TCEAL4: variants seen among roughly 807,000 people sequenced by gnomAD.
The protein encoded by TCEAL4 is transcription elongation factor A like 4.
In TCEAL4, 1 loss-of-function variant was observed where a neutral mutation model predicts 1.3. That is an observed-to-expected ratio of 0.79 (90% CI 0.28 to 3.76). TCEAL4 has a LOEUF of 3.76. TCEAL4 is among the 30% of genes most tolerant of loss of function. The pLI is 0.18. For synonymous variants in TCEAL4, 54 were observed against 50.7 expected (o/e 1.06, Z -0.28); for missense variants, 129 against 154.7 (o/e 0.83, Z 0.88).
In TCEAL4 at chrX:103,586,434, A is replaced by G. The variant is rs182829772; in HGVS notation, c.-28+143A>G. The stretch of plus-strand genomic sequence containing the variant: ...TACCAGGCTGAACCAGTGCAGAGAA[A>G]GTGGCAGAGCCTGTCAGGCAATGGC... On this transcript the variant is annotated intron_variant, in intron 2 of 2. Transcript: ENST00000472484. 4.0e-5 allele frequency: 35 copies of G among 877,508 alleles called. No individual in the cohort carries two copies. The Admixed American group carries it at 9.2e-4, about 23-fold the overall frequency. The allele number at this position is 877,508 out of a possible 1,213,427, so 72.3% of individuals were successfully genotyped here. A position where few individuals can be genotyped will look rare whatever the true frequency, so the allele number is the denominator to read the frequency against.
intron 1 of TCEAL4, 124 bp downstream of exon 1, chrX:103,585,748 G>A: frequency 8.7e-7 from 1 of 1,153,389 alleles, no homozygotes; most frequent in Non-Finnish European, 1.2e-6. Flanking sequence ...CCCGAGTGTG[G>A]ACAGAGATGG....
At position 103,585,518 on chromosome X, in the gene TCEAL4, C is replaced by G; in HGVS notation, c.-207C>G. ...GGCTGCGGCATTCACGTGATCTGCA[C>G]GGGCGCAGATGTAGGCACCGGTCCG... is the stretch of plus-strand genomic sequence containing the variant. On this transcript the variant is annotated 5_prime_UTR_variant, in exon 1 of 3. Transcript: ENST00000472484. 8.8e-7 allele frequency: 1 copy of G among 1,142,567 alleles called. No individual in the cohort carries two copies. Among genetic ancestry groups the G allele is most frequent in the Non-Finnish European group, 1.2e-6 (1 of 857,832 alleles). 94.2% of individuals were successfully genotyped at this position (1,142,567 alleles called of 1,213,427 possible). A position where few individuals can be genotyped will look rare whatever the true frequency, so the allele number is the denominator to read the frequency against.
At position 103,586,536 on chromosome X, in the gene TCEAL4, G is replaced by T. The variant is rs2073550376; in HGVS notation, c.-27-113G>T. On this transcript the variant is annotated intron_variant, in intron 2 of 2. Transcript: ENST00000472484. ...TCTTGGAGGCCTGGCCAGCTTAGGG[G>T]AACCCTCATCAGGGGTGAGATGCAA... 4.0e-6 allele frequency: 4 copies of T among 998,500 alleles called. No homozygotes were observed. The East Asian group carries it at 1.3e-4, about 32-fold the overall frequency. The allele number at this position is 998,500 out of a possible 1,213,427, so 82.3% of individuals were successfully genotyped here.
In TCEAL4 at chrX:103,586,709, G is replaced by A. The variant is rs766525275; in HGVS notation, c.34G>A (p.Ala12Thr). 1 of 1,211,631 alleles carries A rather than the reference G, an allele frequency of 8.3e-7. No individual in the cohort carries two copies. The highest frequency in any genetic ancestry group is 1.8e-5 in the South Asian group (1 of 56,947). Residue 12 changes from alanine (A) to threonine (T), a missense_variant, in exon 3 of 3, where the codon GCT (alanine) becomes ACT (threonine). By Grantham distance (58) the Ala-to-Thr change is moderately conservative. This residue lies in a region of TCEAL4 where 116 missense variants were observed against 120.3 expected (regional missense o/e 0.96). Transcript: ENST00000472484. ...ACTCTACAGTGAAAATGAAGGAATG[G>A]CTTCAAACCAAGGAAAGATGGAAAA... ...EKLYSENEGM[A>T]SNQGKMENEE...
chrX:103,585,917 GC>G, intron 1 of TCEAL4: 1 of 1,067,266 alleles, frequency 9.4e-7, no homozygotes, highest in Non-Finnish European at 1.2e-6. Context: ...GGCTGGGGCC[GC>G]CCCAGTAGTG....
chrX:103,582,524 A>C (rs2073512799), upstream of TCEAL4, among the ~76,000 whole-genome samples: 1 of 112,248 alleles, frequency 8.9e-6, no homozygotes, highest in Non-Finnish European at 1.9e-5. Flanking sequence ...AGGCTACAGT[A>C]AACAAAACAG....
At chrX:103,583,746 G>T (rs1188656976), upstream of TCEAL4, among the ~76,000 whole-genome samples, 25 of 111,337 alleles carry the variant, frequency 2.2e-4, no homozygotes, top group Admixed American at 2.4e-3. Flanking sequence ...GCTGGTGGCT[G>T]CCAGGCTTAA....
At position 103,585,577 on chromosome X, in the gene TCEAL4, G is replaced by T; in HGVS notation, c.-148G>T. The T allele has an allele frequency of 8.6e-7, 1 of 1,165,007 alleles. No homozygotes were observed. On this transcript the variant is annotated 5_prime_UTR_variant, in exon 1 of 3. Coordinates refer to ENST00000472484, the MANE Select transcript of TCEAL4 (RefSeq NM_001006935.3). ...CCCTCTGTCCCCGCGGCTGGGTCTC[G>T]TCTGCTCCGGTTCCTGGGCTCCTAA...
At chrX:103,582,975 C>A (rs922097662), upstream of TCEAL4, among the ~76,000 whole-genome samples, 2 of 111,391 alleles carry the variant, frequency 1.8e-5, no homozygotes, top group Non-Finnish European at 3.8e-5. Flanking sequence ...TGCAATTTAT[C>A]CATCTGACAA....
chrX:103,582,355 C>T (rs2073512024), upstream of TCEAL4, among the ~76,000 whole-genome samples: 1 of 111,736 alleles, frequency 8.9e-6, no homozygotes, highest in Admixed American at 9.5e-5. Context: ...AGATTCAATG[C>T]TATTTCCATT....
Position 103,586,312 on chromosome X carries a change from G to T in TCEAL4, c.-28+21G>T, listed in dbSNP as rs755411413. ...CGCAGGTCCGTGAAAGTACGGGGCT[G>T]CATGGACAGGGGCCCACAAGGGTTG... On this transcript the variant is annotated intron_variant, in intron 2 of 2. Coordinates refer to ENST00000472484, the MANE Select transcript of TCEAL4 (RefSeq NM_001006935.3). 3 of 1,165,279 alleles carry T rather than the reference G, an allele frequency of 2.6e-6. No homozygotes were observed. In the South Asian group the frequency reaches 5.7e-5, roughly 22 times the overall value.
chrX:103,576,328 C>T, exon 1 of TCEAL4: 5 of 747,141 alleles, frequency 6.7e-6, no homozygotes. Context: ...TATTTTACTC[C>T]TAGTATTATT....
At position 103,587,550 on chromosome X, in the gene TCEAL4, C is replaced by G. The variant is rs2073569099; in HGVS notation, c.*227C>G. 1 of 336,851 alleles carries G rather than the reference C, an allele frequency of 3.0e-6. No homozygotes were observed. Among genetic ancestry groups the G allele is most frequent in the African/African-American group, 2.7e-5 (1 of 37,367 alleles). The allele number at this position is 336,851 out of a possible 1,213,427, so 27.8% of individuals were successfully genotyped here. On this transcript the variant is annotated 3_prime_UTR_variant, in exon 3 of 3. Coordinates refer to ENST00000472484, the MANE Select transcript of TCEAL4 (RefSeq NM_001006935.3). ...GCATCAGTACATTTTTGTAAAACTACAAAGATACTTACCTAGTAATATAGT... is the reference window on the plus strand; with the variant it reads ...GCATCAGTACATTTTTGTAAAACTAGAAAGATACTTACCTAGTAATATAGT...
chrX:103,586,363 C>G (rs372268449), intron 2 of TCEAL4, 72 bp downstream of exon 2: 26 of 1,101,590 alleles, frequency 2.4e-5, no homozygotes, highest in East Asian at 1.7e-4. Flanking sequence ...CGGCCAGGGC[C>G]GAATTGGGGC....
rs1191066691 is a variant in TCEAL4 at position 103,587,468 on chromosome X, A to AAATGTTGATGGTGC, written c.*147_*160dup. ...GAAATGTTCATCTGTTACATGGAAA[A>AAATGTTGATGGTGC]AATGTTGATGGTGCATTGTAAAATT... On this transcript the variant is annotated 3_prime_UTR_variant, in exon 3 of 3. Transcript: ENST00000472484. 1 of 701,045 alleles carries AAATGTTGATGGTGC rather than the reference A, an allele frequency of 1.4e-6. No individual in the cohort carries two copies. Among genetic ancestry groups the AAATGTTGATGGTGC allele is most frequent in the Non-Finnish European group, 2.0e-6 (1 of 508,909 alleles). The allele number at this position is 701,045 out of a possible 1,213,427, so 57.8% of individuals were successfully genotyped here. A position where few individuals can be genotyped will look rare whatever the true frequency, so the allele number is the denominator to read the frequency against.
At chrX:103,585,339 T>C (rs1239220847), upstream of TCEAL4, among the ~76,000 whole-genome samples, 1 of 104,957 alleles carries the variant, frequency 9.5e-6, no homozygotes, top group Non-Finnish European at 2.0e-5. Flanking sequence ...AAAAAAAAAC[T>C]GTGATTTTCA....
intron 1 of TCEAL4, chrX:103,576,572 T>G (rs1299409184): frequency 1.2e-5 from 9 of 748,546 alleles, no homozygotes; most frequent in Non-Finnish European, 1.6e-5. Flanking sequence ...GAGGCCAGCC[T>G]GGCCAACATG....
exon 1 of TCEAL4, chrX:103,576,357 A>G (rs1408588801): frequency 1.1e-6 from 1 of 943,679 alleles, no homozygotes; most frequent in African/African-American, 2.0e-5. Flanking sequence ...TATACAGGTT[A>G]TTAAGGTTAG....
chrX:103,576,865 A>AT (rs1447995911), intron 1 of TCEAL4, among the ~76,000 whole-genome samples: 1 of 112,292 alleles, frequency 8.9e-6, no homozygotes, highest in Non-Finnish European at 1.9e-5. Context: ...GATGGCAGTT[A>AT]TTGCTGGCTT....
Sources: allele counts gnomAD v4.1 joint callset (sites outside exome capture counted in the v4.1 genomes callset), GRCh38; gene constraint gnomAD v4.1.1; regional missense constraint gnomAD v4.1.1; transcripts MANE v1.5; gene names NCBI Gene and HGNC (gene_info 2026-07-23, HGNC 2026-07-21).